INPP5A: variants seen among roughly 807,000 people sequenced by gnomAD.
INPP5A encodes the protein 43 kDa inositol polyphosphate 5-phophatase.
A neutral mutation model predicts 65.2 loss-of-function variants in INPP5A; 14 were observed. The ratio of observed to expected loss-of-function variants is 0.21; its 90% confidence interval spans 0.14 to 0.34. The LOEUF is 0.34. Among genes scored for constraint, INPP5A ranks in the 10% least tolerant of loss-of-function variants. The probability of loss-of-function intolerance (pLI) is 1.00; values close to 1 mark genes in which losing one functional copy is unlikely to be tolerated. For synonymous variants in INPP5A, 207 were observed against 208.3 expected (o/e 0.99, Z 0.05); for missense variants, 431 against 545.6 (o/e 0.79, Z 2.09).
At chr10:132,749,265 C>T (rs142701989) in intron 9 of INPP5A, among the ~76,000 whole-genome samples, 1 of 151,534 alleles carries the variant, frequency 6.6e-6, no homozygotes, top group Non-Finnish European at 1.5e-5. Flanking sequence ...GCTCTGTGGG[C>T]GGCAGCAGCT....
chr10:132,693,890 A>T (rs1564968068), intron 5 of INPP5A, among the ~76,000 whole-genome samples: 1 of 152,180 alleles, frequency 6.6e-6, no homozygotes, highest in Non-Finnish European at 1.5e-5. Context: ...AGGCAAACCA[A>T]GTAGAGCTGC....
At chr10:132,777,132 C>T (rs531330488) in intron 12 of INPP5A, among the ~76,000 whole-genome samples, 3 of 152,308 alleles carry the variant, frequency 2.0e-5, no homozygotes, top group Admixed American at 6.5e-5. Context: ...AGCAGTGAGT[C>T]GGGGACAGTC....
intron 8 of INPP5A, among the ~76,000 whole-genome samples, chr10:132,714,606 G>A (rs925618718): frequency 6.6e-6 from 1 of 152,230 alleles, no homozygotes; most frequent in African/African-American, 2.4e-5. Flanking sequence ...AGGCCCAGGA[G>A]GGAGGGCAGG....
At chr10:132,743,033 T>A (rs1036256317) in intron 9 of INPP5A, among the ~76,000 whole-genome samples, 2 of 152,196 alleles carry the variant, frequency 1.3e-5, no homozygotes, top group African/African-American at 2.4e-5. Context: ...GGTCTGCGTG[T>A]TTTTCTGCAT....
At position 132,727,290 on chromosome 10, in the gene INPP5A, G is replaced by A. The variant is rs1299912895; in HGVS notation, c.732+385G>A. 5.8e-6 allele frequency: 1 copy of A among 172,078 alleles called. No homozygotes were observed. The highest frequency in any genetic ancestry group is 1.2e-5 in the Non-Finnish European group (1 of 81,296). The allele number at this position is 172,078 out of a possible 1,614,324, so 10.7% of individuals were successfully genotyped here. A position where few individuals can be genotyped will look rare whatever the true frequency, so the allele number is the denominator to read the frequency against. Reference sequence around the variant, plus strand: ...TCCAACTTGATCTCAGCGATTTTTTGTCATAACACGTAGAAACTGTCAGAG... The same window carrying A: ...TCCAACTTGATCTCAGCGATTTTTTATCATAACACGTAGAAACTGTCAGAG... On this transcript the variant is annotated intron_variant, in intron 9 of 15. Transcript: ENST00000368594. The surrounding 1 kb of genome is among the most constrained non-coding windows in gnomAD (Gnocchi z 6.5).
In INPP5A at chr10:132,710,464, T is replaced by C. The variant is rs1424317739; in HGVS notation, c.647+8T>C. On this transcript the variant is annotated splice_region_variant and intron_variant, in intron 8 of 15. Coordinates refer to ENST00000368594, the MANE Select transcript of INPP5A (RefSeq NM_005539.5). Reference sequence around the variant, plus strand: ...GGGCTACGTGCTGGACAGGTAGGTGTGGGCGGGCAGGTAGGCGTGGGCCGG... The same window carrying C: ...GGGCTACGTGCTGGACAGGTAGGTGCGGGCGGGCAGGTAGGCGTGGGCCGG... 1 of 1,612,302 alleles carries C rather than the reference T, an allele frequency of 6.2e-7. No individual in the cohort carries two copies. Among genetic ancestry groups the C allele is most frequent in the Admixed American group, 1.7e-5 (1 of 59,942 alleles).
intron 2 of INPP5A, among the ~76,000 whole-genome samples, chr10:132,621,572 T>C (rs770055622): frequency 6.6e-5 from 10 of 152,182 alleles, no homozygotes; most frequent in Non-Finnish European, 1.2e-4. Context: ...CTTTTGAGTC[T>C]CTGATTAGCC....
At chr10:132,757,259 G>A (rs571721571) in intron 11 of INPP5A, among the ~76,000 whole-genome samples, 129 of 152,312 alleles carry the variant, frequency 8.5e-4, no homozygotes, top group African/African-American at 3.0e-3. Context: ...TTGATCCCAG[G>A]CCTTCCCGCT....
chr10:132,685,656 G>A (rs1723489823), intron 4 of INPP5A, among the ~76,000 whole-genome samples: 1 of 152,236 alleles, frequency 6.6e-6, no homozygotes, highest in South Asian at 2.1e-4. Flanking sequence ...TGGCTTGTCA[G>A]CCTCTGCCCC....
rs372938531 is a variant in INPP5A, at chr10:132,603,238, C to T, written c.76-4677C>T. Among the ~76,000 whole-genome samples the T allele has an allele frequency of 1.3e-5, 2 of 152,276 alleles. No individual in the cohort carries two copies. Among genetic ancestry groups the T allele is most frequent in the East Asian group, 1.9e-4 (1 of 5,188 alleles). ...TCTTGGTCTCTCATGTGGGTATTCT[C>T]TATTAGGGGCTGTATAGCAAACACG... On this transcript the variant is annotated intron_variant, in intron 1 of 15. Transcript: ENST00000368594. This position sits in a 1 kb window ranked among gnomAD's most constrained non-coding sequence, Gnocchi z 4.2.
rs893209053 is a variant in INPP5A, at chr10:132,547,565, T to C, written c.75+9394T>C. On this transcript the variant is annotated intron_variant, in intron 1 of 15. Transcript: ENST00000368594. This position sits in a 1 kb window ranked among gnomAD's most constrained non-coding sequence, Gnocchi z 5.5. ...TGGGGTTCCCGGGAGGCCGGGCACC[T>C]GCACCCTCGCCGTCGCCCTGGGCTG... is the stretch of plus-strand genomic sequence containing the variant. 1.4e-4 allele frequency among the ~76,000 whole-genome samples: 22 copies of C among 152,192 alleles called. No individual in the cohort carries two copies. Among genetic ancestry groups the C allele is most frequent in the African/African-American group, 5.1e-4 (21 of 41,462 alleles).
chr10:132,770,667 G>A (rs1438132175), intron 12 of INPP5A, among the ~76,000 whole-genome samples: 1 of 152,266 alleles, frequency 6.6e-6, no homozygotes, highest in Non-Finnish European at 1.5e-5. Flanking sequence ...ATGGCCATCA[G>A]TTTTTAAATA....
rs6560706 is a variant in INPP5A, at chr10:132,656,594, G to T, written c.306+6089G>T. Among the ~76,000 whole-genome samples the T allele has an allele frequency of 3.9e-5, 6 of 152,086 alleles. No homozygotes were observed. The South Asian group carries it at 1.0e-3, about 26-fold the overall frequency. On this transcript the variant is annotated intron_variant, in intron 4 of 15. Coordinates refer to ENST00000368594, the MANE Select transcript of INPP5A (RefSeq NM_005539.5). ...GGCTGGGGACAGGAGGTGGCTGTGCGGGCTGCCCCACCTCGCCTCTTGCCT... is the reference window on the plus strand; with the variant it reads ...GGCTGGGGACAGGAGGTGGCTGTGCTGGCTGCCCCACCTCGCCTCTTGCCT...
intron 1 of INPP5A, among the ~76,000 whole-genome samples, chr10:132,554,959 T>C (rs2071107524): frequency 6.9e-6 from 1 of 144,018 alleles, no homozygotes; most frequent in African/African-American, 2.6e-5. Flanking sequence ...GCATGGTCCA[T>C]GTGGGTGGCA....
intron 12 of INPP5A, among the ~76,000 whole-genome samples, chr10:132,771,658 G>T: frequency 9.2e-6 from 1 of 108,884 alleles, no homozygotes; most frequent in Non-Finnish European, 2.0e-5. Context: ...CAGCCGCCCC[G>T]CGAAGAGTGG....
Position 132,683,754 on chromosome 10 carries a change from G to A in INPP5A, c.307-6638G>A, listed in dbSNP as rs775962154. The stretch of plus-strand genomic sequence containing the variant: ...GAGACAAAGTCTCACTTGCTCTGTC[G>A]CCCAGGCTGGAGTGCAGTGGCGCGA... On this transcript the variant is annotated intron_variant, in intron 4 of 15. Transcript: ENST00000368594. Among the ~76,000 whole-genome samples the A allele has an allele frequency of 5.3e-5, 8 of 152,078 alleles. No individual in the cohort carries two copies. In the South Asian group the frequency reaches 1.2e-3, roughly 24 times the overall value.
At chr10:132,746,047 G>A (rs1048981837) in intron 9 of INPP5A, among the ~76,000 whole-genome samples, 3 of 152,194 alleles carry the variant, frequency 2.0e-5, no homozygotes, top group South Asian at 2.1e-4. Flanking sequence ...GTAGGGCCTC[G>A]GCGTTGCCTG....
chr10:132,728,610 A>T (rs1473419371), intron 9 of INPP5A, among the ~76,000 whole-genome samples: 1 of 152,226 alleles, frequency 6.6e-6, no homozygotes, highest in Admixed American at 6.5e-5. Context: ...CACAGTGCAC[A>T]TAAGTACTTC....
At chr10:132,642,459 C>T (rs529218416) in intron 2 of INPP5A, among the ~76,000 whole-genome samples, 5 of 152,360 alleles carry the variant, frequency 3.3e-5, no homozygotes, top group African/African-American at 1.2e-4. Flanking sequence ...TTCTCCACCG[C>T]CTTACTCCTG....
Sources: gnomAD v4.1 joint callset for allele counts (sites outside exome capture counted in the v4.1 genomes callset) on GRCh38, gnomAD v4.1.1 for gene constraint, Gnocchi (gnomAD v3.1) non-coding constraint, MANE v1.5 for transcripts, NCBI Gene and HGNC (gene_info 2026-07-23, HGNC 2026-07-21) for gene names.